The following RAPGEF5 variants were observed in gnomAD, a reference collection of about 807,000 sequenced individuals.
RAPGEF5 encodes Rap guanine nucleotide exchange factor 5, also known as M-Ras-regulated GEF.
RAPGEF5 carries 65 observed loss-of-function variants against 125.2 expected under a neutral mutation model. The observed-to-expected ratio is 0.52, with a 90% CI of 0.43 to 0.64. The LOEUF (loss-of-function observed/expected upper bound fraction) is 0.64, where lower values mean the gene tolerates loss of function less well. RAPGEF5 is among the 30% of genes least tolerant of loss of function. The probability of loss-of-function intolerance (pLI) is 0.00; values close to 1 mark genes in which losing one functional copy is unlikely to be tolerated. For missense variants in RAPGEF5, 958 were observed against 1,048.1 expected, an observed-to-expected ratio of 0.91 and a Z score of 1.19; for synonymous variants, 391 against 385.9, an observed-to-expected ratio of 1.01 and a Z score of -0.16.
intron 5 of RAPGEF5, among the ~76,000 whole-genome samples, chr7:22,304,464 G>A (rs888448318): frequency 1.4e-4 from 21 of 152,170 alleles, no homozygotes; most frequent in Non-Finnish European, 2.9e-4. Context: ...GTTATTATTA[G>A]GTTGCAAATT....
chr7:22,182,282 AAAG>A (rs1342624089), intron 11 of RAPGEF5, among the ~76,000 whole-genome samples: 14 of 152,234 alleles, frequency 9.2e-5, no homozygotes, highest in East Asian at 1.9e-4. Flanking sequence ...ACAGAAAGAG[AAAG>A]AAGGAGACAG....
intron 2 of RAPGEF5, among the ~76,000 whole-genome samples, chr7:22,316,485 ATATATTTTTTTTTTTTTT>A (rs1344120639): frequency 3.4e-5 from 1 of 29,598 alleles, no homozygotes; most frequent in East Asian, 1.0e-3. Context: ...ATATATATAT[ATATATTTTTTTTTTTTTT>A]TTTTTGAGGC....
At position 22,327,683 on chromosome 7, in the gene RAPGEF5, C is replaced by T. The variant is rs1783840466; in HGVS notation, c.232-9646G>A. Among the ~76,000 whole-genome samples, 5 of 152,152 alleles carry T rather than the reference C, an allele frequency of 3.3e-5. No homozygotes were observed. In the South Asian group the frequency reaches 1.0e-3, roughly 32 times the overall value. ...GGACAAGTTATTTAACTTCTTTGTCCCTCTGTTTCTACCTCTTTAAATGAG... is the reference window on the plus strand; with the variant it reads ...GGACAAGTTATTTAACTTCTTTGTCTCTCTGTTTCTACCTCTTTAAATGAG... On this transcript the variant is annotated intron_variant, in intron 1 of 25. Coordinates refer to ENST00000665637, the MANE Select transcript of RAPGEF5 (RefSeq NM_012294.5).
chr7:22,271,371 A>C (rs749759852), intron 6 of RAPGEF5, among the ~76,000 whole-genome samples: 1 of 152,212 alleles, frequency 6.6e-6, no homozygotes, highest in Non-Finnish European at 1.5e-5. Flanking sequence ...TTCAACTGAA[A>C]ATTTTTAGTC....
At chr7:22,285,385 T>C (rs1782773538) in intron 6 of RAPGEF5, among the ~76,000 whole-genome samples, 1 of 152,208 alleles carries the variant, frequency 6.6e-6, no homozygotes, top group Admixed American at 6.5e-5. Flanking sequence ...CTTGCTGACT[T>C]GGCACACAAT....
intron 1 of RAPGEF5, among the ~76,000 whole-genome samples, chr7:22,319,157 A>G (rs1035453152): frequency 6.6e-5 from 10 of 152,202 alleles, no homozygotes; most frequent in African/African-American, 2.4e-4. Flanking sequence ...GCAGTATTAA[A>G]AAAAGAACAG....
Position 22,195,248 on chromosome 7 carries a change from T to C in RAPGEF5, c.997-1215A>G, listed in dbSNP as rs551499812. On this transcript the variant is annotated intron_variant, in intron 9 of 25. Coordinates refer to ENST00000665637, the MANE Select transcript of RAPGEF5 (RefSeq NM_012294.5). ...ATTGGTTCTACAGGCTAATCAGGGA[T>C]GTCAATGTATTTGATTCACCTTTCA... is the stretch of plus-strand genomic sequence containing the variant. Among the ~76,000 whole-genome samples, 8 of 152,300 alleles carry C rather than the reference T, an allele frequency of 5.3e-5. No homozygotes were observed. The South Asian group carries it at 1.5e-3, about 28-fold the overall frequency.
At chr7:22,182,601 A>G (rs1784709151) in intron 11 of RAPGEF5, among the ~76,000 whole-genome samples, 1 of 152,346 alleles carries the variant, frequency 6.6e-6, no homozygotes, top group African/African-American at 2.4e-5. Flanking sequence ...CTGAGAAAAT[A>G]TGGCAATTTA....
intron 9 of RAPGEF5, among the ~76,000 whole-genome samples, chr7:22,206,985 T>TA (rs1184048874): frequency 6.6e-6 from 1 of 152,018 alleles, no homozygotes; most frequent in East Asian, 1.9e-4. Context: ...AGGAGAAAAA[T>TA]AAATTACTTA....
intron 6 of RAPGEF5, among the ~76,000 whole-genome samples, chr7:22,290,672 G>A (rs1319659737): frequency 1.3e-5 from 2 of 150,326 alleles, no homozygotes; most frequent in East Asian, 2.0e-4. Flanking sequence ...GTGAACCCGG[G>A]AGGCGGAGCT....
At chr7:22,232,187 T>G (rs1381483222) in intron 7 of RAPGEF5, among the ~76,000 whole-genome samples, 1 of 152,172 alleles carries the variant, frequency 6.6e-6, no homozygotes, top group Non-Finnish European at 1.5e-5. Context: ...AAATAGTTAT[T>G]CCTTGTATCC....
chr7:22,356,699 G>T (rs1784426962), intron 1 of RAPGEF5, 131 bp downstream of exon 1: 1 of 406,270 alleles, frequency 2.5e-6, no homozygotes, highest in Admixed American at 5.8e-5. Context: ...CTCTTCAGCC[G>T]AGTCCGGCAG....
chr7:22,258,159 G>C (rs183189864), intron 7 of RAPGEF5, among the ~76,000 whole-genome samples: 1 of 152,292 alleles, frequency 6.6e-6, no homozygotes, highest in African/African-American at 2.4e-5. Flanking sequence ...AGAGATAATA[G>C]ATGTAGATAC....
chr7:22,306,490 A>G (rs1357989642), intron 5 of RAPGEF5, among the ~76,000 whole-genome samples: 5 of 152,146 alleles, frequency 3.3e-5, no homozygotes, highest in Non-Finnish European at 7.4e-5. Flanking sequence ...TGGGTAGCTT[A>G]CAAATATTTT....
At chr7:22,196,487 G>C (rs956120513) in intron 9 of RAPGEF5, among the ~76,000 whole-genome samples, 1 of 152,228 alleles carries the variant, frequency 6.6e-6, no homozygotes, top group African/African-American at 2.4e-5. Context: ...GTGAGGGCTT[G>C]CTCCCTTTGC....
At chr7:22,202,327 C>A (rs1785295933) in intron 9 of RAPGEF5, among the ~76,000 whole-genome samples, 1 of 152,168 alleles carries the variant, frequency 6.6e-6, no homozygotes, top group Non-Finnish European at 1.5e-5. Flanking sequence ...CAGCTGCAGA[C>A]AAGGCCTCAA....
intron 9 of RAPGEF5, among the ~76,000 whole-genome samples, chr7:22,214,305 G>A (rs1467198712): frequency 6.6e-6 from 1 of 152,138 alleles, no homozygotes; most frequent in South Asian, 2.1e-4. Flanking sequence ...CTTAACAAAG[G>A]AACAGAAGAA....
chr7:22,354,431 C>A (rs921840388), intron 1 of RAPGEF5, among the ~76,000 whole-genome samples: 12 of 152,202 alleles, frequency 7.9e-5, no homozygotes, highest in African/African-American at 2.7e-4. Context: ...ATTAGCATCA[C>A]TGCCCAATCC....
chr7:22,215,641 T>C lies in RAPGEF5; in HGVS notation c.996+4225A>G, dbSNP rs546660607. Among the ~76,000 whole-genome samples the C allele has an allele frequency of 1.3e-5, 2 of 152,332 alleles. 1 individual carries two copies. The highest frequency in any genetic ancestry group is 4.1e-4 in the South Asian group (2 of 4,826). ...CAGAGAGTATTCTAGAATAGAAGTATAGTAACACCAACTCAGATTACAGAG... is the reference window on the plus strand; with the variant it reads ...CAGAGAGTATTCTAGAATAGAAGTACAGTAACACCAACTCAGATTACAGAG... On this transcript the variant is annotated intron_variant, in intron 9 of 25. Transcript: ENST00000665637.
Sources: gnomAD v4.1 joint callset for allele counts (sites outside exome capture counted in the v4.1 genomes callset) on GRCh38, gnomAD v4.1.1 for gene constraint, MANE v1.5 for transcripts, NCBI Gene and HGNC (gene_info 2026-07-23, HGNC 2026-07-21) for gene names.